The following SLCO4C1 variants were observed in gnomAD, a reference collection of about 807,000 sequenced individuals.
SLCO4C1 encodes organic anion transporter M1.
SLCO4C1 carries 58 observed loss-of-function variants against 72.1 expected under a neutral mutation model. The ratio of observed to expected loss-of-function variants is 0.80; its 90% CI spans 0.65 to 1.00. SLCO4C1 has a LOEUF of 1.00. Among genes scored for constraint, SLCO4C1 ranks in the 50% least tolerant of loss-of-function variants. SLCO4C1 has a pLI of 0.00. For missense variants in SLCO4C1, 898 were observed against 857.9 expected (o/e 1.05, Z -0.58); for synonymous variants, 297 against 312.5 (o/e 0.95, Z 0.52).
chr5:102,239,877 C>T (rs1254761182), intron 11 of SLCO4C1, among the ~76,000 whole-genome samples: 1 of 151,904 alleles, frequency 6.6e-6, no homozygotes, highest in East Asian at 1.9e-4. Flanking sequence ...AATACCATAT[C>T]TAGGAATATC....
At chr5:102,247,917 CTTTTTTTTTT>C (rs55692838) in intron 9 of SLCO4C1, among the ~76,000 whole-genome samples, 24 of 107,416 alleles carry the variant, frequency 2.2e-4, no homozygotes, top group Middle Eastern at 5.7e-3. Context: ...AGGCCAGAAA[CTTTTTTTTTT>C]TTTTTTTTTT....
At position 102,270,627 on chromosome 5, in the gene SLCO4C1, T is replaced by C. The variant is rs1402201139; in HGVS notation, c.799A>G (p.Ile267Val). The C allele has an allele frequency of 1.9e-6, 3 of 1,608,488 alleles. No individual in the cohort carries two copies. The highest frequency in any genetic ancestry group is 2.5e-6 in the Non-Finnish European group (3 of 1,177,626). The part of the protein sequence containing the change: ...SVPTHKSSLY[I>V]GTGYAMSILG... ...ACAGTTTAGAGAGTAAACTTACCTA[T>C]ATAGAGAGAAGACTTGTGTGTGGGC... is the stretch of plus-strand genomic sequence containing the variant. Residue 267 changes from isoleucine to valine, a missense_variant, in exon 3 of 13, where the codon ATA becomes GTA. Physicochemically the swap from Ile to Val is conservative, Grantham distance 29. Coordinates refer to ENST00000310954, the MANE Select transcript of SLCO4C1 (RefSeq NM_180991.5).
At chr5:102,254,333 T>A (rs894470264) in intron 8 of SLCO4C1, among the ~76,000 whole-genome samples, 1 of 152,212 alleles carries the variant, frequency 6.6e-6, no homozygotes, top group Non-Finnish European at 1.5e-5. Context: ...GTCTATCAAG[T>A]GCCATTTTTC....
At chr5:102,253,901 C>T (rs1375623874) in intron 8 of SLCO4C1, among the ~76,000 whole-genome samples, 1 of 151,828 alleles carries the variant, frequency 6.6e-6, no homozygotes, top group Non-Finnish European at 1.5e-5. Flanking sequence ...ATATAATATA[C>T]CCAGGTAACA....
At chr5:102,282,866 G>A (rs1749382945) in intron 2 of SLCO4C1, among the ~76,000 whole-genome samples, 2 of 151,950 alleles carry the variant, frequency 1.3e-5, no homozygotes, top group African/African-American at 4.8e-5. Flanking sequence ...TAACCAAGGT[G>A]TGTTACCATG....
At chr5:102,257,739 C>T (rs1485010335) in intron 7 of SLCO4C1, among the ~76,000 whole-genome samples, 2 of 151,824 alleles carry the variant, frequency 1.3e-5, no homozygotes, top group Non-Finnish European at 2.9e-5. Flanking sequence ...CCACCTCAGC[C>T]TCTGAAGGAC....
At position 102,291,111 on chromosome 5, in the gene SLCO4C1, T is replaced by C. The variant is rs373290495; in HGVS notation, c.619+232A>G. Among the ~76,000 whole-genome samples the C allele has an allele frequency of 2.6e-5, 4 of 152,102 alleles. No homozygotes were observed. In the South Asian group the frequency reaches 8.3e-4, roughly 31 times the overall value. On this transcript the variant is annotated intron_variant, in intron 2 of 12. Coordinates refer to ENST00000310954, the MANE Select transcript of SLCO4C1 (RefSeq NM_180991.5). ...TTCTTGAGGAGGACTGTGTATAATATGGGGAATAAGAATTAGAGGCTTAAA... is the reference window on the plus strand; with the variant it reads ...TTCTTGAGGAGGACTGTGTATAATACGGGGAATAAGAATTAGAGGCTTAAA...
chr5:102,272,614 T>C (rs1332926275), intron 2 of SLCO4C1, among the ~76,000 whole-genome samples: 1 of 152,124 alleles, frequency 6.6e-6, no homozygotes, highest in Non-Finnish European at 1.5e-5. Flanking sequence ...ATGGAAACAA[T>C]TGCCTCTTAA....
intron 2 of SLCO4C1, among the ~76,000 whole-genome samples, chr5:102,290,748 A>G (rs1749535569): frequency 6.6e-6 from 1 of 152,154 alleles, no homozygotes; most frequent in Non-Finnish European, 1.5e-5. Flanking sequence ...TGGCTCTACT[A>G]TATTTGTTTT....
intron 3 of SLCO4C1, among the ~76,000 whole-genome samples, chr5:102,267,865 A>G (rs1289007031): frequency 6.6e-6 from 1 of 152,094 alleles, no homozygotes; most frequent in East Asian, 1.9e-4. Flanking sequence ...GTTGCTCAGC[A>G]GCATGATGAT....
intron 2 of SLCO4C1, among the ~76,000 whole-genome samples, chr5:102,273,003 C>T (rs1749181969): frequency 1.6e-5 from 1 of 63,450 alleles, no homozygotes; most frequent in Admixed American, 1.7e-4. Flanking sequence ...AAGAAAAAAA[C>T]ACAAACATGG....
chr5:102,242,802 C>T (rs1234811647), intron 10 of SLCO4C1, among the ~76,000 whole-genome samples: 3 of 152,118 alleles, frequency 2.0e-5, no homozygotes, highest in Non-Finnish European at 2.9e-5. Context: ...GGGCAAAACT[C>T]GTTCTGCTTC....
chr5:102,260,551 T>C (rs1748922137), intron 5 of SLCO4C1, among the ~76,000 whole-genome samples: 1 of 151,698 alleles, frequency 6.6e-6, no homozygotes, highest in Admixed American at 6.6e-5. Flanking sequence ...ATGTCTGTAA[T>C]CAGGATGCCC....
intron 1 of SLCO4C1, among the ~76,000 whole-genome samples, chr5:102,295,646 T>C (rs574467597): frequency 1.3e-5 from 2 of 152,352 alleles, no homozygotes; most frequent in African/African-American, 2.4e-5. Flanking sequence ...TCCGCTAAAC[T>C]GAGGTAAAAC....
chr5:102,246,729 G>A (rs1748642272), intron 10 of SLCO4C1, among the ~76,000 whole-genome samples: 2 of 152,128 alleles, frequency 1.3e-5, no homozygotes, highest in African/African-American at 2.4e-5. Context: ...ATGACTCTAT[G>A]GAAGGACAGG....
At position 102,270,690 on chromosome 5, in the gene SLCO4C1, G is replaced by C; in HGVS notation, c.736C>G (p.Leu246Val). The change falls in exon 3 of 13, where the codon CTT (leucine) becomes GTT (valine). Residue 246 changes from leucine to valine, a missense_variant. By Grantham distance (32) the Leu-to-Val change is conservative (BLOSUM62 1). Transcript: ENST00000310954. ...QLLLGAGGTP[L>V]YTLGTAFLDD... is the part of the protein sequence containing the mutation. ...AGAAAGGCTGTTCCCAGAGTATAAA[G>C]AGGAGTTCCTCCTGCCCCCAGCAAT... 1 of 1,613,270 alleles carries C rather than the reference G, an allele frequency of 6.2e-7. No homozygotes were observed. Among genetic ancestry groups the C allele is most frequent in the Non-Finnish European group, 8.5e-7 (1 of 1,179,520 alleles).
At chr5:102,289,006 A>G (rs1425772276) in intron 2 of SLCO4C1, among the ~76,000 whole-genome samples, 2 of 152,190 alleles carry the variant, frequency 1.3e-5, no homozygotes, top group African/African-American at 4.8e-5. Flanking sequence ...ATATCAATAA[A>G]TATATATTGT....
At chr5:102,255,207 C>T (rs565479747) in intron 8 of SLCO4C1, among the ~76,000 whole-genome samples, 1 of 152,134 alleles carries the variant, frequency 6.6e-6, no homozygotes, top group East Asian at 1.9e-4. Context: ...ACACTATATC[C>T]CAGATCTTAA....
At chr5:102,242,227 C>T (rs1748556392) in intron 10 of SLCO4C1, among the ~76,000 whole-genome samples, 2 of 152,232 alleles carry the variant, frequency 1.3e-5, no homozygotes, top group Middle Eastern at 3.2e-3. Flanking sequence ...CCAAGGGCTA[C>T]AGCACTGTGT....
Sources: gnomAD v4.1 joint callset for allele counts (sites outside exome capture counted in the v4.1 genomes callset) on GRCh38, gnomAD v4.1.1 for gene constraint, MANE v1.5 for transcripts, NCBI Gene and HGNC (gene_info 2026-07-23, HGNC 2026-07-21) for gene names.